XKR6: variants seen among roughly 807,000 people sequenced by gnomAD.
XKR6 encodes XK-related protein 6.
XKR6 carries 22 observed loss-of-function variants against 56.7 expected under a neutral mutation model. That is an observed-to-expected ratio of 0.39 (90% CI 0.28 to 0.55). XKR6 has a LOEUF of 0.55. Ranked by LOEUF, XKR6 falls within the 20% of genes least tolerant of loss-of-function variation. The pLI, the probability that XKR6 is intolerant of heterozygous loss-of-function variation, is 0.66. For synonymous variants in XKR6, 524 were observed against 387.8 expected (o/e 1.35, Z -4.13); for missense variants, 852 against 889.0 (o/e 0.96, Z 0.53).
At chr8:11,087,826 C>T (rs939442943) in intron 1 of XKR6, among the ~76,000 whole-genome samples, 7 of 152,310 alleles carry the variant, frequency 4.6e-5, no homozygotes, top group South Asian at 4.2e-4. Flanking sequence ...TAGTGAGTTT[C>T]CGTCACTAGA....
chr8:11,011,334 G>A (rs1403539927), intron 1 of XKR6, among the ~76,000 whole-genome samples: 1 of 152,226 alleles, frequency 6.6e-6, no homozygotes, highest in Non-Finnish European at 1.5e-5. Context: ...GGCTTCCCGG[G>A]GGAGGTGGCA....
At chr8:11,136,491 C>A (rs1308494507) in intron 1 of XKR6, among the ~76,000 whole-genome samples, 1 of 137,296 alleles carries the variant, frequency 7.3e-6, no homozygotes, top group Non-Finnish European at 1.5e-5. Flanking sequence ...GCAACAAAAG[C>A]GAAACTCTGT....
chr8:10,900,175 C>T (rs1314361665), intron 2 of XKR6, among the ~76,000 whole-genome samples: 2 of 152,160 alleles, frequency 1.3e-5, no homozygotes, highest in Non-Finnish European at 2.9e-5. Flanking sequence ...GAGCACAATT[C>T]CCCCCACGAC....
chr8:11,007,377 G>A (rs1798393860), intron 1 of XKR6, among the ~76,000 whole-genome samples: 1 of 152,188 alleles, frequency 6.6e-6, no homozygotes, highest in South Asian at 2.1e-4. Context: ...AAGACTAGGG[G>A]CTAATGTGCA....
At chr8:11,158,833 G>C (rs1312838089) in intron 1 of XKR6, among the ~76,000 whole-genome samples, 1 of 152,134 alleles carries the variant, frequency 6.6e-6, no homozygotes, top group Non-Finnish European at 1.5e-5. Context: ...TATAGGCAGA[G>C]ATAAGCCTAG....
intron 2 of XKR6, among the ~76,000 whole-genome samples, chr8:10,910,575 T>C (rs1162720358): frequency 1.3e-5 from 2 of 152,238 alleles, no homozygotes; most frequent in Non-Finnish European, 2.9e-5. Flanking sequence ...AACACCACTG[T>C]GGCTCTCCTG....
At chr8:10,984,998 A>C (rs1043496212) in intron 1 of XKR6, among the ~76,000 whole-genome samples, 2 of 151,724 alleles carry the variant, frequency 1.3e-5, no homozygotes, top group Admixed American at 6.6e-5. Flanking sequence ...GCAGTGCAGT[A>C]GTGCAATCTC....
intron 2 of XKR6, among the ~76,000 whole-genome samples, chr8:10,911,806 A>G (rs951907229): frequency 6.6e-6 from 1 of 151,020 alleles, no homozygotes; most frequent in African/African-American, 2.4e-5. Context: ...CAATGTATGT[A>G]TATATACAGA....
At chr8:10,902,067 CAGT>C (rs1398806991) in intron 2 of XKR6, among the ~76,000 whole-genome samples, 7 of 152,174 alleles carry the variant, frequency 4.6e-5, no homozygotes, top group Non-Finnish European at 1.0e-4. Flanking sequence ...CCCTTCATGG[CAGT>C]GGTGCTGAAA....
At chr8:11,107,755 T>C (rs1350794445) in intron 1 of XKR6, 1 of 154,238 alleles carries the variant, frequency 6.5e-6, no homozygotes, top group East Asian at 1.9e-4. Flanking sequence ...GCTCCTCTCC[T>C]GCTGCTAGGT....
At chr8:10,976,560 G>C (rs1310117157) in intron 1 of XKR6, among the ~76,000 whole-genome samples, 1 of 152,212 alleles carries the variant, frequency 6.6e-6, no homozygotes, top group African/African-American at 2.4e-5. Flanking sequence ...ACAACACATG[G>C]TTACCAGGTG....
At chr8:11,186,464 C>T (rs1354854107) in intron 1 of XKR6, among the ~76,000 whole-genome samples, 1 of 152,188 alleles carries the variant, frequency 6.6e-6, no homozygotes, top group Non-Finnish European at 1.5e-5. Flanking sequence ...GCAGCCTCAA[C>T]CTCCTGGGCT....
chr8:11,119,567 C>A (rs1799346398), intron 1 of XKR6, among the ~76,000 whole-genome samples: 1 of 152,152 alleles, frequency 6.6e-6, no homozygotes, highest in Non-Finnish European at 1.5e-5. Flanking sequence ...TATGTAATGG[C>A]CTTGTCTCTT....
intron 1 of XKR6, among the ~76,000 whole-genome samples, chr8:10,944,647 T>C (rs1424669608): frequency 1.3e-5 from 2 of 152,054 alleles, no homozygotes; most frequent in East Asian, 3.9e-4. Context: ...AGGCTCTGAG[T>C]ATGAGAACAG....
intron 2 of XKR6, among the ~76,000 whole-genome samples, chr8:10,923,659 C>A (rs1800789954): frequency 6.6e-6 from 1 of 152,224 alleles, no homozygotes; most frequent in East Asian, 1.9e-4. Context: ...GCTGTTCTTG[C>A]CAGACCACAT....
At chr8:10,980,427 A>G (rs1797702143) in intron 1 of XKR6, among the ~76,000 whole-genome samples, 1 of 152,226 alleles carries the variant, frequency 6.6e-6, no homozygotes, top group Admixed American at 6.5e-5. Flanking sequence ...CCTGGCTTAT[A>G]AGTAGGAAAG....
At chr8:11,086,045 C>G (rs761648089) in intron 1 of XKR6, among the ~76,000 whole-genome samples, 1 of 151,836 alleles carries the variant, frequency 6.6e-6, no homozygotes, top group South Asian at 2.1e-4. Flanking sequence ...CCGAGTGCCC[C>G]GGAGGACACT....
intron 1 of XKR6, among the ~76,000 whole-genome samples, chr8:11,016,897 C>G (rs773885471): frequency 1.3e-5 from 2 of 152,232 alleles, no homozygotes; most frequent in African/African-American, 2.4e-5. Flanking sequence ...CCACCCAGAT[C>G]TTCAGCGAGC....
chr8:10,933,565 G>A (rs1407861093), intron 1 of XKR6, among the ~76,000 whole-genome samples: 1 of 109,848 alleles, frequency 9.1e-6, no homozygotes, highest in African/African-American at 4.4e-5. Context: ...ATCTTGAATT[G>A]ATTTTTGTAT....
Sources: gnomAD v4.1 joint callset for allele counts (sites outside exome capture counted in the v4.1 genomes callset) on GRCh38, gnomAD v4.1.1 for gene constraint, MANE v1.5 for transcripts, NCBI Gene and HGNC (gene_info 2026-07-23, HGNC 2026-07-21) for gene names.